HOOK3: variants seen among roughly 807,000 people sequenced by gnomAD.
The protein encoded by HOOK3 is protein Hook homolog 3.
In HOOK3, 24 loss-of-function variants were observed where a neutral mutation model predicts 116.3. The observed-to-expected ratio is 0.21, with a 90% CI of 0.15 to 0.29. The LOEUF (loss-of-function observed/expected upper bound fraction) is 0.29. HOOK3 is among the 10% of genes least tolerant of loss of function. The probability of loss-of-function intolerance (pLI) is 1.00; values close to 1 mark genes in which losing one functional copy is unlikely to be tolerated. For synonymous variants in HOOK3, 275 were observed against 283.0 expected (o/e 0.97, Z 0.28); for missense variants, 632 against 830.2 (o/e 0.76, Z 2.93).
chr8:42,980,274 T>C (rs532461749), intron 13 of HOOK3, among the ~76,000 whole-genome samples: 4 of 152,244 alleles, frequency 2.6e-5, no homozygotes, highest in African/African-American at 7.2e-5. Context: ...TTTTATACAA[T>C]TTTAAGAATC....
In HOOK3 at chr8:42,898,578, C is replaced by T. The variant is rs892793212; in HGVS notation, c.57+1390C>T. ...AATCTGTACATCTGTAAACAGAATG[C>T]TGAGGAACTTAAGATTTAAGTTTTT... On this transcript the variant is annotated intron_variant, in intron 1 of 21. Coordinates refer to ENST00000307602, the MANE Select transcript of HOOK3 (RefSeq NM_032410.4). Among the ~76,000 whole-genome samples the T allele has an allele frequency of 1.3e-5, 2 of 152,178 alleles. 1 individual carries two copies. The highest frequency in any genetic ancestry group is 2.9e-5 in the Non-Finnish European group (2 of 68,042).
At chr8:42,989,141 G>A (rs1045723449) in intron 15 of HOOK3, among the ~76,000 whole-genome samples, 2 of 152,194 alleles carry the variant, frequency 1.3e-5, no homozygotes, top group Non-Finnish European at 2.9e-5. Flanking sequence ...AGGGTGGAGG[G>A]TTGAGGGGGA....
At chr8:43,010,913 T>C (rs951664400) in intron 19 of HOOK3, among the ~76,000 whole-genome samples, 1 of 152,022 alleles carries the variant, frequency 6.6e-6, no homozygotes, top group African/African-American at 2.4e-5. Flanking sequence ...ACAGGACCCA[T>C]TCTAATTGAA....
chr8:42,982,128 G>T (rs1434841436), intron 13 of HOOK3, among the ~76,000 whole-genome samples: 1 of 150,008 alleles, frequency 6.7e-6, no homozygotes. Context: ...GGTGGCGGGC[G>T]CCTGTAATCC....
chr8:42,914,252 A>G (rs528307931), intron 2 of HOOK3, among the ~76,000 whole-genome samples: 1 of 152,290 alleles, frequency 6.6e-6, no homozygotes, highest in Non-Finnish European at 1.5e-5. Context: ...TTGGGTGGAT[A>G]TAGTACTCTT....
intron 4 of HOOK3, among the ~76,000 whole-genome samples, chr8:42,940,080 C>T (rs574337786): frequency 3.2e-4 from 48 of 151,004 alleles, no homozygotes; most frequent in Middle Eastern, 3.5e-3. Flanking sequence ...CCAGACGGGG[C>T]GGCGGCCGGG....
chr8:42,904,731 C>A (rs1442459521), intron 1 of HOOK3, among the ~76,000 whole-genome samples: 1 of 152,150 alleles, frequency 6.6e-6, no homozygotes, highest in Non-Finnish European at 1.5e-5. Flanking sequence ...GTTAATTCTT[C>A]AGTTTTTTGC....
rs950909322 is a variant in HOOK3 at position 43,001,931 on chromosome 8, C to T, written c.1621-176C>T. On this transcript the variant is annotated intron_variant, in intron 16 of 21. Coordinates refer to ENST00000307602, the MANE Select transcript of HOOK3 (RefSeq NM_032410.4). ...TGATTGTCATCCCTTAGGGGCTGTG[C>T]TCTCCCTTTATTAAAGAGATTTAAA... Among the ~76,000 whole-genome samples, 109 of 152,184 alleles carry T rather than the reference C, an allele frequency of 7.2e-4. 4 individuals carry two copies. The highest frequency in any genetic ancestry group is 1.2e-4 in the Non-Finnish European group (8 of 68,036).
At chr8:42,943,480 TAATG>T (rs755479585) in intron 5 of HOOK3, 35 bp downstream of exon 5, 13 of 1,367,100 alleles carry the variant, frequency 9.5e-6, no homozygotes, top group African/African-American at 2.9e-5. Context: ...GCATTTAAAA[TAATG>T]AAGGAAAGTA....
intron 4 of HOOK3, among the ~76,000 whole-genome samples, chr8:42,931,342 T>C (rs1807868242): frequency 2.6e-5 from 4 of 152,168 alleles, no homozygotes; most frequent in Admixed American, 2.0e-4. Context: ...TTATTGTTTA[T>C]TCCCTTTAAT....
chr8:43,013,168 A>G lies in HOOK3; in HGVS notation c.1944+13A>G, dbSNP rs201353417. 5.2e-6 allele frequency: 8 copies of G among 1,540,642 alleles called. No individual in the cohort carries two copies. The East Asian group carries it at 1.6e-4, about 30-fold the overall frequency. On this transcript the variant is annotated intron_variant, in intron 20 of 21. Transcript: ENST00000307602. ...CCACTCATTAGAGGTAGTTTACTAT[A>G]CTGTACAATAAAATAATTGTGTTTT...
intron 11 of HOOK3, among the ~76,000 whole-genome samples, chr8:42,969,925 T>C (rs1054533968): frequency 5.9e-5 from 9 of 152,224 alleles, no homozygotes; most frequent in Non-Finnish European, 5.9e-5. Context: ...CCTTTTACTT[T>C]TTTGAGGTTG....
At chr8:42,933,230 T>C (rs1036368382) in intron 4 of HOOK3, among the ~76,000 whole-genome samples, 2 of 152,204 alleles carry the variant, frequency 1.3e-5, no homozygotes, top group African/African-American at 4.8e-5. Flanking sequence ...TTTAATAATA[T>C]AAAAGTGTGA....
intron 1 of HOOK3, among the ~76,000 whole-genome samples, chr8:42,900,231 A>G (rs1398132135): frequency 6.6e-6 from 1 of 152,234 alleles, no homozygotes; most frequent in Non-Finnish European, 1.5e-5. Flanking sequence ...TCAGCAGGAC[A>G]TGCTTGAAAA....
intron 4 of HOOK3, among the ~76,000 whole-genome samples, chr8:42,939,242 C>T (rs1808041415): frequency 1.3e-5 from 2 of 152,220 alleles, no homozygotes; most frequent in Non-Finnish European, 2.9e-5. Context: ...GTACACCTCC[C>T]AGACGGGGTG....
intron 15 of HOOK3, among the ~76,000 whole-genome samples, chr8:42,993,446 C>CTAT (rs1210177802): frequency 6.6e-6 from 1 of 152,078 alleles, no homozygotes; most frequent in Non-Finnish European, 1.5e-5. Flanking sequence ...TATGCCTGGC[C>CTAT]TATAGTTTTG....
chr8:43,013,053 C>T lies in HOOK3; in HGVS notation c.1842C>T (p.Val614=), dbSNP rs756152751. 6.3e-7 allele frequency: 1 copy of T among 1,593,928 alleles called. No homozygotes were observed. Among genetic ancestry groups the T allele is most frequent in the South Asian group, 1.2e-5 (1 of 86,952 alleles). ...YKKYLEKAKS[V]IRTLDPKQNQ... ...TTTTCTTTTATTATTTTTTGCAGGT[C>T]ATCCGTACTTTAGATCCTAAACAGA... Residue 614 remains valine (V), a splice_region_variant and synonymous_variant, in exon 20 of 22, where the codon GTC becomes GTT. Coordinates refer to ENST00000307602, the MANE Select transcript of HOOK3 (RefSeq NM_032410.4).
chr8:43,025,592 T>C lies in HOOK3; in HGVS notation c.*7094T>C, dbSNP rs1346619271. On this transcript the variant is annotated 3_prime_UTR_variant, in exon 22 of 22. Coordinates refer to ENST00000307602, the MANE Select transcript of HOOK3 (RefSeq NM_032410.4). Reference sequence around the variant, plus strand: ...CATTGAGTATTAACTAGGTGCATAATGTAGTTGTATATGTTTACTAGTAAA... The same window carrying C: ...CATTGAGTATTAACTAGGTGCATAACGTAGTTGTATATGTTTACTAGTAAA... 1 of 210,798 alleles carries C rather than the reference T, an allele frequency of 4.7e-6. No individual in the cohort carries two copies. Among genetic ancestry groups the C allele is most frequent in the Non-Finnish European group, 9.6e-6 (1 of 103,932 alleles). The allele number at this position is 210,798 out of a possible 1,614,324, so 13.1% of individuals were successfully genotyped here. A position where few individuals can be genotyped will look rare whatever the true frequency, so the allele number is the denominator to read the frequency against.
Position 43,006,685 on chromosome 8 carries a change from T to C in HOOK3, c.1656-1162T>C, listed in dbSNP as rs368071998. On this transcript the variant is annotated intron_variant, in intron 17 of 21. Transcript: ENST00000307602. ...TTAGTTGTATTATTCTTTTAACTGT[T>C]ATATTGTATATGTTCTTTGTCATAG... is the stretch of plus-strand genomic sequence containing the variant. Among the ~76,000 whole-genome samples, 59 of 152,318 alleles carry C rather than the reference T, an allele frequency of 3.9e-4. 6 individuals carry two copies. The East Asian group carries it at 5.8e-3, about 15-fold the overall frequency.
Sources: gnomAD v4.1 joint callset for allele counts (sites outside exome capture counted in the v4.1 genomes callset) on GRCh38, gnomAD v4.1.1 for gene constraint, MANE v1.5 for transcripts, NCBI Gene and HGNC (gene_info 2026-07-23, HGNC 2026-07-21) for gene names.